Variants in YTHDC2 observed in about 807,000 individuals in gnomAD.
YTHDC2 encodes 3'-5' RNA helicase YTHDC2.
YTHDC2 carries 45 observed loss-of-function variants against 174.9 expected under a neutral mutation model. The observed-to-expected ratio is 0.26, with a 90% CI of 0.20 to 0.33. The LOEUF (loss-of-function observed/expected upper bound fraction) is 0.33. YTHDC2 is among the 10% of genes least tolerant of loss of function. The pLI is 1.00. For synonymous variants in YTHDC2, 657 were observed against 574.5 expected (o/e 1.14, Z -2.05); for missense variants, 1,650 against 1,723.7 (o/e 0.96, Z 0.76).
In YTHDC2 at chr5:113,513,848, C is replaced by G. The variant is rs760229785; in HGVS notation, c.-48C>G. The G allele has an allele frequency of 6.6e-7, 1 of 1,524,898 alleles. No individual in the cohort carries two copies. The highest frequency in any genetic ancestry group is 8.8e-7 in the Non-Finnish European group (1 of 1,141,020). 94.5% of individuals were successfully genotyped at this position (1,524,898 alleles called of 1,614,324 possible). ...CACGGTCTTTGTCATTGGCTGTCAG[C>G]TAGCAGGCCTGGCCGCTCCCGTGCG... On this transcript the variant is annotated 5_prime_UTR_variant, in exon 1 of 30. Coordinates refer to ENST00000161863, the MANE Select transcript of YTHDC2 (RefSeq NM_022828.5).
In YTHDC2 at chr5:113,565,985, G is replaced by A; in HGVS notation, c.2808G>A (p.Met936Ile). ...SQATMEIIIG[M>I]RTQLLGQLRA... Reference sequence around the variant, plus strand: ...CTACTATGGAAATAATCATAGGCATGAGAACACAGTTGCTTGGTCAACTTA... The same window carrying A: ...CTACTATGGAAATAATCATAGGCATAAGAACACAGTTGCTTGGTCAACTTA... Residue 936 changes from methionine to isoleucine, a missense_variant, in exon 21 of 30, where the codon ATG (methionine) becomes ATA (isoleucine). Physicochemically the swap from Met to Ile is conservative, Grantham distance 10. Coordinates refer to ENST00000161863, the MANE Select transcript of YTHDC2 (RefSeq NM_022828.5). The A allele has an allele frequency of 6.2e-7, 1 of 1,612,670 alleles. No individual in the cohort carries two copies. Among genetic ancestry groups the A allele is most frequent in the Non-Finnish European group, 8.5e-7 (1 of 1,179,358 alleles).
At chr5:113,561,222 GGTGAGGGAA>G in intron 18 of YTHDC2, 37 bp downstream of exon 18, 1 of 1,550,744 alleles carries the variant, frequency 6.4e-7, no homozygotes, top group Non-Finnish European at 8.8e-7. Context: ...CATTTTTTTG[GGTGAGGGAA>G]GTGAGGGGCC....
intron 2 of YTHDC2, among the ~76,000 whole-genome samples, chr5:113,520,049 C>T (rs983902879): frequency 2.0e-5 from 3 of 152,094 alleles, no homozygotes; most frequent in African/African-American, 7.2e-5. Flanking sequence ...TCTTCCTTTC[C>T]TTTCCCCCTA....
chr5:113,553,142 G>A, intron 12 of YTHDC2, 39 bp from the exon 13 acceptor site: 1 of 1,441,352 alleles, frequency 6.9e-7, no homozygotes, highest in East Asian at 2.6e-5. Flanking sequence ...TTTTGTTAAT[G>A]GAAATTGACT....
intron 10 of YTHDC2, 87 bp downstream of exon 10, chr5:113,542,590 A>G: frequency 1.6e-6 from 2 of 1,250,856 alleles, no homozygotes; most frequent in East Asian, 2.6e-5. Flanking sequence ...TACTACCAAT[A>G]ATTGCACAAC....
At chr5:113,514,118 G>C (rs375164034) in intron 1 of YTHDC2, 36 bp downstream of exon 1, 2 of 1,594,558 alleles carry the variant, frequency 1.3e-6, no homozygotes, top group Non-Finnish European at 1.7e-6. Context: ...TGGCAGTCAG[G>C]ATACCCCCCT....
At chr5:113,546,249 C>T (rs1775880397) in intron 10 of YTHDC2, among the ~76,000 whole-genome samples, 1 of 152,042 alleles carries the variant, frequency 6.6e-6, no homozygotes, top group South Asian at 2.1e-4. Flanking sequence ...AAGTATTATC[C>T]TTAGCTTTCT....
intron 23 of YTHDC2, among the ~76,000 whole-genome samples, chr5:113,571,811 A>T (rs1759705441): frequency 6.6e-6 from 1 of 152,132 alleles, no homozygotes; most frequent in South Asian, 2.1e-4. Flanking sequence ...CCATGGGGTC[A>T]GTGGTGAGAT....
intron 23 of YTHDC2, 28 bp downstream of exon 23, chr5:113,567,877 AT>A: frequency 6.9e-7 from 1 of 1,440,734 alleles, no homozygotes. Flanking sequence ...ATAAAAATCT[AT>A]TTGAAATGAA....
chr5:113,593,376 C>T lies in YTHDC2; in HGVS notation c.4286C>T (p.Thr1429Ile). Residue 1429 changes from threonine to isoleucine, a missense_variant, in exon 29 of 30, where the codon ACT becomes ATT. Thr to Ile is a moderately conservative substitution (Grantham distance 89). This residue lies in a region of YTHDC2 where 913 missense variants were observed against 940.4 expected (regional missense o/e 0.97). Coordinates refer to ENST00000161863, the MANE Select transcript of YTHDC2 (RefSeq NM_022828.5). ...ERLPLGEKNTTD is the reference protein window; with the variant it reads ...ERLPLGEKNTID ...CTTCCCTTGGGAGAAAAAAACACAA[C>T]TGATTGACACTCAGGTTATACCATC... 6.2e-7 allele frequency: 1 copy of T among 1,611,850 alleles called. No homozygotes were observed. The highest frequency in any genetic ancestry group is 8.5e-7 in the Non-Finnish European group (1 of 1,178,388).
chr5:113,573,357 C>G (rs773309410), intron 23 of YTHDC2, among the ~76,000 whole-genome samples: 36 of 152,278 alleles, frequency 2.4e-4, no homozygotes, highest in Middle Eastern at 3.4e-3. Flanking sequence ...TGATGGGCTT[C>G]CCTTTGTATG....
chr5:113,578,229 G>T (rs201480567), intron 23 of YTHDC2, among the ~76,000 whole-genome samples: 1 of 107,124 alleles, frequency 9.3e-6, no homozygotes, highest in African/African-American at 3.1e-5. Context: ...GTTTCACTCT[G>T]TTATTCCGGA....
At chr5:113,537,779 A>G (rs1379230604) in intron 7 of YTHDC2, among the ~76,000 whole-genome samples, 2 of 152,022 alleles carry the variant, frequency 1.3e-5, no homozygotes, top group Non-Finnish European at 2.9e-5. Context: ...CCCAAACTGA[A>G]TACTTCATCT....
At chr5:113,528,556 T>C (rs999030580) in intron 4 of YTHDC2, among the ~76,000 whole-genome samples, 23 of 152,072 alleles carry the variant, frequency 1.5e-4, no homozygotes, top group Non-Finnish European at 3.2e-4. Flanking sequence ...AGCGCTTCAC[T>C]CTGTCGCCCA....
intron 23 of YTHDC2, among the ~76,000 whole-genome samples, chr5:113,568,152 A>G (rs942311740): frequency 6.6e-6 from 1 of 152,178 alleles, no homozygotes; most frequent in Non-Finnish European, 1.5e-5. Context: ...TGTAAAAGAA[A>G]TAATAGCCAC....
rs574985934 is a variant in YTHDC2 at position 113,570,950 on chromosome 5, C to G, written c.3244+3101C>G. 4.6e-5 allele frequency among the ~76,000 whole-genome samples: 7 copies of G among 152,166 alleles called. No homozygotes were observed. The East Asian group carries it at 1.4e-3, about 29-fold the overall frequency. ...TTATAGGCATGAGCCACTGCACCCA[C>G]CCGACGTGAATACTCTTCATTTTTT... On this transcript the variant is annotated intron_variant, in intron 23 of 29. Transcript: ENST00000161863.
At position 113,579,654 on chromosome 5, in the gene YTHDC2, T is replaced by G. The variant is rs900837737; in HGVS notation, c.3313T>G (p.Leu1105Val). ...EDKTTANLAA[L>V]KLDEWLHFTL... ...CAAAACTACAGCTAATTTGGCAGCC[T>G]TGAAACTTGATGAGTGGCTCCATTT... is the stretch of plus-strand genomic sequence containing the variant. The change falls in exon 24 of 30, where the codon TTG (leucine) becomes GTG (valine). Residue 1105 changes from leucine (L) to valine (V), a missense_variant. Leu to Val is a conservative substitution (Grantham distance 32, BLOSUM62 1). Transcript: ENST00000161863. 6.2e-7 allele frequency: 1 copy of G among 1,610,436 alleles called. No homozygotes were observed.
chr5:113,563,856 T>TA lies in YTHDC2; in HGVS notation c.2443-2dup. The TA allele has an allele frequency of 6.2e-7, 1 of 1,614,118 alleles. No individual in the cohort carries two copies. The highest frequency in any genetic ancestry group is 8.5e-7 in the Non-Finnish European group (1 of 1,179,992). On this transcript the variant is annotated splice_region_variant and splice_polypyrimidine_tract_variant and intron_variant, in intron 19 of 29. Transcript: ENST00000161863. ...AAAGTCTGTTCTGTCTCCTTTTACT[T>TA]AGACAATAGATGCAATGGATACATG...
At chr5:113,578,721 C>T (rs1778217620) in intron 23 of YTHDC2, among the ~76,000 whole-genome samples, 3 of 152,078 alleles carry the variant, frequency 2.0e-5, no homozygotes, top group South Asian at 4.1e-4. Flanking sequence ...TGTCTCATTA[C>T]AGGAATGGTC....
Sources: gnomAD v4.1 joint callset for allele counts (sites outside exome capture counted in the v4.1 genomes callset) on GRCh38, gnomAD v4.1.1 for gene constraint, gnomAD v4.1.1 regional missense constraint, MANE v1.5 for transcripts, NCBI Gene and HGNC (gene_info 2026-07-23, HGNC 2026-07-21) for gene names.